The following ARHGEF28 variants were observed in gnomAD, a reference collection of about 807,000 sequenced individuals.
ARHGEF28 encodes the protein 190 kDa guanine nucleotide exchange factor.
A neutral mutation model predicts 206.6 loss-of-function variants in ARHGEF28; 152 were observed. That is an observed-to-expected ratio of 0.74 (90% CI 0.64 to 0.84). The LOEUF is 0.84. Ranked by LOEUF, ARHGEF28 falls within the 40% of genes least tolerant of loss-of-function variation. ARHGEF28 has a pLI of 0.00. For missense variants in ARHGEF28, 2,028 were observed against 2,073.2 expected, an observed-to-expected ratio of 0.98 and a Z score of 0.42; for synonymous variants, 763 against 776.4, an observed-to-expected ratio of 0.98 and a Z score of 0.29.
intron 10 of ARHGEF28, among the ~76,000 whole-genome samples, chr5:73,837,555 C>A (rs1237718060): frequency 6.6e-6 from 1 of 151,706 alleles, no homozygotes; most frequent in Non-Finnish European, 1.5e-5. Flanking sequence ...CCTCAAGTAA[C>A]TAAAATTGTA....
chr5:73,815,582 G>T (rs61117684), intron 9 of ARHGEF28, among the ~76,000 whole-genome samples: 1 of 152,052 alleles, frequency 6.6e-6, no homozygotes, highest in African/African-American at 2.4e-5. Flanking sequence ...GTTGTAATCT[G>T]CTTTATTTAG....
At chr5:73,661,433 G>C (rs1312849414) in intron 1 of ARHGEF28, among the ~76,000 whole-genome samples, 2 of 152,122 alleles carry the variant, frequency 1.3e-5, no homozygotes, top group African/African-American at 4.8e-5. Context: ...TCATTCGTGT[G>C]TTCCTGGAGA....
intron 8 of ARHGEF28, among the ~76,000 whole-genome samples, chr5:73,794,938 T>G (rs1368037671): frequency 6.6e-6 from 1 of 152,210 alleles, no homozygotes; most frequent in Non-Finnish European, 1.5e-5. Flanking sequence ...TAATCCCTAT[T>G]CTTTATAACC....
chr5:73,795,403 C>A lies in ARHGEF28; in HGVS notation c.1024+12C>A, dbSNP rs2973548. The A allele has an allele frequency of 1.2e-6, 2 of 1,609,702 alleles. No homozygotes were observed. The highest frequency in any genetic ancestry group is 1.7e-6 in the Non-Finnish European group (2 of 1,176,550). ...CAGCCTAGATTTGGGTATGAAATAA[C>A]GCTTTTACCTATACTCGTAGGGGCA... On this transcript the variant is annotated intron_variant, in intron 9 of 35. Coordinates refer to ENST00000513042, the MANE Select transcript of ARHGEF28 (RefSeq NM_001177693.2).
At chr5:73,692,278 T>G (rs779721192) in intron 2 of ARHGEF28, among the ~76,000 whole-genome samples, 1 of 152,096 alleles carries the variant, frequency 6.6e-6, no homozygotes. Context: ...TGTGTGAGAC[T>G]GTGTGTGTGG....
intron 22 of ARHGEF28, among the ~76,000 whole-genome samples, chr5:73,877,356 T>C (rs1336581030): frequency 6.7e-6 from 1 of 149,976 alleles, no homozygotes; most frequent in Non-Finnish European, 1.5e-5. Flanking sequence ...ATTTTGTTGA[T>C]CCTTTCAAAA....
In ARHGEF28 at chr5:73,678,752, G is replaced by C. The variant is rs576988955; in HGVS notation, c.-11-6089G>C. Among the ~76,000 whole-genome samples, 6 of 152,124 alleles carry C rather than the reference G, an allele frequency of 3.9e-5. No individual in the cohort carries two copies. The South Asian group carries it at 6.2e-4, about 16-fold the overall frequency. ...TATAGCTTGACAACTAGGGAAAAAG[G>C]CTCACTTTTTAGGTGCAGATCTTCA... On this transcript the variant is annotated intron_variant, in intron 1 of 35. Transcript: ENST00000513042.
intron 1 of ARHGEF28, among the ~76,000 whole-genome samples, chr5:73,636,707 CTT>C (rs1743738965): frequency 5.3e-5 from 8 of 152,160 alleles, no homozygotes; most frequent in Admixed American, 5.2e-4. Flanking sequence ...GGGTTGAAGT[CTT>C]AGCATTGCCA....
rs1752101301 is a variant in ARHGEF28 at position 73,753,010 on chromosome 5, A to G, written c.283A>G (p.Met95Val). ...TGGCTCAGTGACCTACGTGGACAAC[A>G]TGGCTTGCAGGCTGGCTCGTCTGCT... ...GSGSVTYVDN[M>V]ACRLARLLVT... The change falls in exon 4 of 36, where the codon ATG (methionine) becomes GTG (valine). Residue 95 changes from methionine to valine, a missense_variant. Around this residue, in one of 3 missense-constraint regions of ARHGEF28, gnomAD observed 1,002 missense variants for 1,015.3 expected, o/e 0.99. Transcript: ENST00000513042. 1.2e-6 allele frequency: 2 copies of G among 1,613,422 alleles called. No homozygotes were observed. The highest frequency in any genetic ancestry group is 1.7e-6 in the Non-Finnish European group (2 of 1,179,674).
Position 73,894,442 on chromosome 5 carries a change from G to A in ARHGEF28, c.3708G>A (p.Lys1236=). The part of the protein sequence containing the change: ...DQQICAYLEE[K]LHIYAELGEL... ...AAATTTGTGCGTATTTGGAGGAGAA[G>A]CTGCATATCTATGCTGAACTTGGAG... The change falls in exon 29 of 36, where the codon AAG becomes AAA. Residue 1236 remains lysine, a synonymous_variant. Transcript: ENST00000513042. 3 of 1,613,694 alleles carry A rather than the reference G, an allele frequency of 1.9e-6. No individual in the cohort carries two copies. The highest frequency in any genetic ancestry group is 2.5e-6 in the Non-Finnish European group (3 of 1,179,766).
At chr5:73,858,451 G>GCGTCTC (rs1759190969) in intron 16 of ARHGEF28, among the ~76,000 whole-genome samples, 1 of 152,042 alleles carries the variant, frequency 6.6e-6, no homozygotes. Flanking sequence ...TGTCTAAAGA[G>GCGTCTC]CGTCTCAGAT....
intron 1 of ARHGEF28, among the ~76,000 whole-genome samples, chr5:73,629,850 CA>C (rs1252057514): frequency 6.6e-6 from 1 of 152,166 alleles, no homozygotes; most frequent in Non-Finnish European, 1.5e-5. Context: ...ATCTTTCCCT[CA>C]ATTATAAATA....
rs80199211 is a variant in ARHGEF28, at chr5:73,629,672, T to A, written c.-12+3350T>A. 9.5e-3 allele frequency among the ~76,000 whole-genome samples: 1,450 copies of A among 152,318 alleles called. 24 individuals carry two copies. The highest frequency in any genetic ancestry group is 0.034 in the African/African-American group (1,410 of 41,570). On this transcript the variant is annotated intron_variant, in intron 1 of 35. Coordinates refer to ENST00000513042, the MANE Select transcript of ARHGEF28 (RefSeq NM_001177693.2). ...TTTGTAACATTATTGCTCCTGGACT[T>A]CTTCTCCTGGATAACCAAGATAATG...
chr5:73,871,415 TAAAGA>T (rs939623045), intron 21 of ARHGEF28, among the ~76,000 whole-genome samples: 1 of 152,172 alleles, frequency 6.6e-6, no homozygotes, highest in African/African-American at 2.4e-5. Flanking sequence ...GATTTCCAAT[TAAAGA>T]AATTTTTATT....
chr5:73,683,467 T>C (rs1747234976), intron 1 of ARHGEF28, among the ~76,000 whole-genome samples: 1 of 152,208 alleles, frequency 6.6e-6, no homozygotes, highest in Non-Finnish European at 1.5e-5. Context: ...GTATTTTTCC[T>C]TTCTGTCTGA....
intron 35 of ARHGEF28, among the ~76,000 whole-genome samples, chr5:73,912,916 T>C (rs1167770039): frequency 6.6e-6 from 1 of 152,226 alleles, no homozygotes; most frequent in African/African-American, 2.4e-5. Context: ...TTTGGTATAA[T>C]TCCGAAACTC....
chr5:73,690,231 G>C (rs956353897), intron 2 of ARHGEF28, among the ~76,000 whole-genome samples: 5 of 152,056 alleles, frequency 3.3e-5, no homozygotes, highest in African/African-American at 9.7e-5. Flanking sequence ...TAAACTTTGA[G>C]AGAGGAAGAG....
At chr5:73,781,199 T>C (rs1004668648) in intron 7 of ARHGEF28, among the ~76,000 whole-genome samples, 4 of 152,132 alleles carry the variant, frequency 2.6e-5, no homozygotes, top group Non-Finnish European at 5.9e-5. Flanking sequence ...CACTGGCATT[T>C]AGAATTGAGG....
intron 2 of ARHGEF28, among the ~76,000 whole-genome samples, chr5:73,716,883 G>C (rs1233993607): frequency 6.6e-6 from 1 of 152,050 alleles, no homozygotes; most frequent in Admixed American, 6.5e-5. Context: ...TAAAGTTCAT[G>C]TTTAGCATGT....
Sources: gnomAD v4.1 joint callset for allele counts (sites outside exome capture counted in the v4.1 genomes callset) on GRCh38, gnomAD v4.1.1 for gene constraint, gnomAD v4.1.1 regional missense constraint, MANE v1.5 for transcripts, NCBI Gene and HGNC (gene_info 2026-07-23, HGNC 2026-07-21) for gene names.